EED: variants seen among roughly 807,000 people sequenced by gnomAD.
EED encodes the protein polycomb protein EED.
A neutral mutation model predicts 61.0 loss-of-function variants in EED; 9 were observed. That is an observed-to-expected ratio of 0.15 (90% CI 0.09 to 0.26). The LOEUF (loss-of-function observed/expected upper bound fraction) is 0.26, where lower values mean the gene tolerates loss of function less well. Ranked by LOEUF, EED falls within the 10% of genes least tolerant of loss-of-function variation. The pLI, the probability that EED is intolerant of heterozygous loss-of-function variation, is 1.00. For missense variants in EED, 315 were observed against 542.3 expected (o/e 0.58, Z 4.16); for synonymous variants, 187 against 174.4 (o/e 1.07, Z -0.57).
downstream of EED, among the ~76,000 whole-genome samples, chr11:86,283,738 C>T (rs529783167): frequency 6.6e-6 from 1 of 151,246 alleles, no homozygotes; most frequent in Non-Finnish European, 1.5e-5. Context: ...TGGAGGTGAT[C>T]TGTAGAAATT....
intron 10 of EED, 177 bp from the exon 11 acceptor site, chr11:86,277,741 T>G: frequency 2.4e-6 from 1 of 423,650 alleles, no homozygotes; most frequent in Non-Finnish European, 4.0e-6. Context: ...TTGTGATGTA[T>G]TAATTGCTCT....
At chr11:86,264,553 T>G (rs1262743016) in intron 7 of EED, 2 of 260,242 alleles carry the variant, frequency 7.7e-6, no homozygotes, top group Non-Finnish European at 1.4e-5. Flanking sequence ...AAGTTAATGT[T>G]TGTTTTGCCA....
chr11:86,264,165 A>G lies in EED; in HGVS notation c.635-7A>G, dbSNP rs1343486782. On this transcript the variant is annotated splice_region_variant and splice_polypyrimidine_tract_variant and intron_variant, in intron 6 of 11. Coordinates refer to ENST00000263360, the MANE Select transcript of EED (RefSeq NM_003797.5). ...ACATTCGCCTAATTTTTGTATGTTT[A>G]TACTAGATCATGCTTTACGATTATG... is the stretch of plus-strand genomic sequence containing the variant. 5 of 1,609,858 alleles carry G rather than the reference A, an allele frequency of 3.1e-6. No homozygotes were observed. The African/African-American group carries it at 4.0e-5, about 13-fold the overall frequency.
At chr11:86,268,617 G>GTGTGTT (rs1946040748) in intron 9 of EED, 56 bp downstream of exon 9, 1 of 1,206,200 alleles carries the variant, frequency 8.3e-7, no homozygotes, top group Admixed American at 2.2e-5. Context: ...GTGTGTGTGT[G>GTGTGTT]TGTGTGTGTA....
chr11:86,254,069 A>AAAAAAG (rs1945605672), intron 3 of EED, among the ~76,000 whole-genome samples: 1 of 148,758 alleles, frequency 6.7e-6, no homozygotes, highest in African/African-American at 2.5e-5. Flanking sequence ...AAAAAAAAAA[A>AAAAAAG]AAAAAAGAAA....
chr11:86,251,398 C>G (rs1012873861), intron 2 of EED, among the ~76,000 whole-genome samples: 3 of 152,122 alleles, frequency 2.0e-5, no homozygotes, highest in African/African-American at 4.8e-5. Flanking sequence ...ATACTTAAGG[C>G]AGTATTTCAA....
At chr11:86,254,848 C>G (rs905219487) in intron 3 of EED, among the ~76,000 whole-genome samples, 1 of 152,186 alleles carries the variant, frequency 6.6e-6, no homozygotes, top group Non-Finnish European at 1.5e-5. Context: ...GTCTTGATCT[C>G]TTGACCTCAT....
chr11:86,287,607 G>T, the EED span, among the ~76,000 whole-genome samples: 2 of 152,214 alleles, frequency 1.3e-5, no homozygotes, highest in African/African-American at 4.8e-5. Context: ...AAACTGGGTT[G>T]CCAGAAAATC....
intron 3 of EED, among the ~76,000 whole-genome samples, chr11:86,254,811 CAG>C (rs531686732): frequency 1.8e-4 from 27 of 152,184 alleles, no homozygotes; most frequent in South Asian, 4.1e-4. Context: ...TTGGTAGAGA[CAG>C]GGTTTCACCA....
At position 86,258,554 on chromosome 11, in the gene EED, G is replaced by GTTTTTTTTTTTTT. The variant is rs768325009; in HGVS notation, c.634+958_634+959insTTTTTTTTTTTTT. On this transcript the variant is annotated intron_variant, in intron 6 of 11. Coordinates refer to ENST00000263360, the MANE Select transcript of EED (RefSeq NM_003797.5). ...TTTTTTTCTCTTTTCTTTGTTTTTT[G>GTTTTTTTTTTTTT]GTTTTTTTTTTTTTTTTTGAGACAA... 2.8e-5 allele frequency among the ~76,000 whole-genome samples: 4 copies of GTTTTTTTTTTTTT among 143,662 alleles called. No individual in the cohort carries two copies. The East Asian group carries it at 6.1e-4, about 22-fold the overall frequency. 94.2% of individuals were successfully genotyped at this position (143,662 alleles called of 152,430 possible).
intron 2 of EED, among the ~76,000 whole-genome samples, chr11:86,251,802 G>A (rs1026822024): frequency 1.3e-5 from 2 of 152,168 alleles, no homozygotes; most frequent in African/African-American, 4.8e-5. Flanking sequence ...AAAATAAATT[G>A]TGTCCTTTTG....
downstream of EED, among the ~76,000 whole-genome samples, chr11:86,281,547 A>C (rs537165991): frequency 5.9e-5 from 9 of 152,124 alleles, no homozygotes; most frequent in Admixed American, 1.3e-4. Flanking sequence ...TTTTTAATGC[A>C]GGCATTTAAT....
downstream of EED, among the ~76,000 whole-genome samples, chr11:86,279,038 C>T (rs558183762): frequency 2.0e-5 from 3 of 152,262 alleles, no homozygotes; most frequent in Admixed American, 6.5e-5. Context: ...ACAGTTAGAA[C>T]AGTATTTGAC....
intron 5 of EED, 145 bp from the exon 6 acceptor site, chr11:86,257,370 C>A: frequency 1.1e-5 from 3 of 281,862 alleles, no homozygotes; most frequent in East Asian, 6.7e-5. Flanking sequence ...CTTTTCACCT[C>A]AAGTTTGTTG....
chr11:86,252,281 C>T (rs1300461420), intron 3 of EED, 41 bp downstream of exon 3: 2 of 1,375,808 alleles, frequency 1.5e-6, no homozygotes, highest in East Asian at 4.7e-5. Context: ...GCTTGATTTC[C>T]AGATCTGGTG....
At chr11:86,285,787 A>G in the EED span, among the ~76,000 whole-genome samples, 4 of 151,466 alleles carry the variant, frequency 2.6e-5, no homozygotes, top group East Asian at 2.0e-4. Context: ...TAGTAGAGAC[A>G]GGGTTTCACC....
At position 86,262,829 on chromosome 11, in the gene EED, T is replaced by TTTC. The variant is rs1258763539; in HGVS notation, c.635-1341_635-1340insCTT. On this transcript the variant is annotated intron_variant, in intron 6 of 11. Transcript: ENST00000263360. ...CTGGCCTGGCTTTTTTTTTTTTTCT[T>TTTC]TTAAAGACAGGGTTGGTCTCTGTCA... Among the ~76,000 whole-genome samples the TTTC allele has an allele frequency of 3.5e-4, 53 of 151,434 alleles. 1 individual carries two copies. The highest frequency in any genetic ancestry group is 1.3e-3 in the African/African-American group (52 of 41,276).
At chr11:86,248,741 G>A (rs1477855605) in intron 1 of EED, among the ~76,000 whole-genome samples, 1 of 152,132 alleles carries the variant, frequency 6.6e-6, no homozygotes, top group African/African-American at 2.4e-5. Flanking sequence ...AGTTGTGGCT[G>A]GGCGCAGTGG....
chr11:86,285,607 AT>A, the EED span, among the ~76,000 whole-genome samples: 1 of 151,532 alleles, frequency 6.6e-6, no homozygotes, highest in Non-Finnish European at 1.5e-5. Context: ...TGATCATTTT[AT>A]TTTTTTGAGA....
Sources: allele counts gnomAD v4.1 joint callset (sites outside exome capture counted in the v4.1 genomes callset), GRCh38; gene constraint gnomAD v4.1.1; transcripts MANE v1.5; gene names NCBI Gene and HGNC (gene_info 2026-07-23, HGNC 2026-07-21).